Variants in ZNF532 observed in about 807,000 individuals in gnomAD.
ZNF532 encodes zinc finger protein 532.
In ZNF532, 22 loss-of-function variants were observed where a neutral mutation model predicts 89.3. The observed-to-expected ratio is 0.25, with a 90% confidence interval of 0.18 to 0.35. The LOEUF is 0.35. Among genes scored for constraint, ZNF532 ranks in the 10% least tolerant of loss-of-function variants. The pLI is 1.00. For missense variants in ZNF532, 1,132 were observed against 1,643.4 expected (o/e 0.69, Z 5.38); for synonymous variants, 606 against 649.6 (o/e 0.93, Z 1.02).
At position 58,959,264 on chromosome 18, in the gene ZNF532, T is replaced by TTTG. The variant is rs1555752598; in HGVS notation, c.3150+5467_3150+5468insGTT. On this transcript the variant is annotated intron_variant, in intron 7 of 9. Transcript: ENST00000591808. ...CTTTTCAGTTTTTTGTTTTTTGTTT[T>TTTG]TTTTTGTTTTTTTTTGGTTTTTTTT... 4.5e-3 allele frequency among the ~76,000 whole-genome samples: 666 copies of TTTG among 147,820 alleles called. 12 individuals are homozygous for TTTG. The highest frequency in any genetic ancestry group is 0.016 in the African/African-American group (628 of 38,868).
At chr18:58,962,608 T>TTTC (rs200869146) in intron 7 of ZNF532, among the ~76,000 whole-genome samples, 1 of 129,048 alleles carries the variant, frequency 7.7e-6, no homozygotes, top group East Asian at 1.0e-3. Context: ...CCTGGCATTC[T>TTTC]TTTTTTTTTT....
At chr18:58,975,566 C>G (rs1243974394) in intron 7 of ZNF532, among the ~76,000 whole-genome samples, 1 of 152,198 alleles carries the variant, frequency 6.6e-6, no homozygotes, top group Admixed American at 6.5e-5. Flanking sequence ...CGTACCATCC[C>G]AAGCACAGCA....
intron 5 of ZNF532, among the ~76,000 whole-genome samples, chr18:58,941,287 A>T (rs1408864308): frequency 1.3e-5 from 2 of 152,000 alleles, no homozygotes; most frequent in Admixed American, 6.6e-5. Context: ...TACAGTTTTT[A>T]TTTGGTTCTT....
chr18:58,980,402 C>A (rs1427206443), intron 8 of ZNF532: 1 of 152,204 alleles, frequency 6.6e-6, no homozygotes, highest in Admixed American at 6.5e-5. Flanking sequence ...TGCTAACTTA[C>A]GGCCAACAAA....
intron 2 of ZNF532, among the ~76,000 whole-genome samples, chr18:58,875,403 A>G (rs979925447): frequency 1.3e-5 from 2 of 152,168 alleles, no homozygotes. Flanking sequence ...GCTGTTCTGG[A>G]ATGGTGGGTG....
intron 2 of ZNF532, among the ~76,000 whole-genome samples, chr18:58,916,064 A>G (rs2060578637): frequency 6.6e-6 from 1 of 152,196 alleles, no homozygotes; most frequent in African/African-American, 2.4e-5. Context: ...AGTCCCTTTC[A>G]ACCCTGGTGG....
intron 3 of ZNF532, among the ~76,000 whole-genome samples, chr18:58,922,201 C>G (rs2061157055): frequency 1.3e-5 from 2 of 152,090 alleles, no homozygotes; most frequent in Admixed American, 6.5e-5. Flanking sequence ...AAAGATTTAA[C>G]AGTAAACTGG....
At chr18:58,981,371 G>T (rs1356914342) in intron 8 of ZNF532, 99 bp from the exon 9 acceptor site, 5 of 1,481,272 alleles carry the variant, frequency 3.4e-6, no homozygotes, top group Non-Finnish European at 4.6e-6. Context: ...GGACCTGTCT[G>T]TGTGAACTGA....
chr18:58,919,974 C>T lies in ZNF532; in HGVS notation c.1687C>T (p.Pro563Ser), dbSNP rs775428054. The change falls in exon 3 of 10, where the codon CCC (proline) becomes TCC (serine). Residue 563 changes from proline (P) to serine (S), a missense_variant. Physicochemically the swap from Pro to Ser is moderately conservative, Grantham distance 74. Around this residue, in one of 9 missense-constraint regions of ZNF532, gnomAD observed 97 missense variants for 143.7 expected, o/e 0.68. Transcript: ENST00000591808. This position sits in a 1 kb window ranked among gnomAD's most constrained non-coding sequence, Gnocchi z 6.1. ...AATAATCAATGCAGCAGCCTCGCAACCCCCCAAAAAGGTGTCTCGAGTCCA... is the reference window on the plus strand; with the variant it reads ...AATAATCAATGCAGCAGCCTCGCAATCCCCCAAAAAGGTGTCTCGAGTCCA... Reference protein sequence around the residue: ...QAIINAAASQPPKKVSRVQVV... With the variant: ...QAIINAAASQSPKKVSRVQVV... 2 of 1,613,746 alleles carry T rather than the reference C, an allele frequency of 1.2e-6. No individual in the cohort carries two copies. Among genetic ancestry groups the T allele is most frequent in the South Asian group, 2.2e-5 (2 of 91,032 alleles).
chr18:58,894,190 C>T (rs910549179), intron 2 of ZNF532, among the ~76,000 whole-genome samples: 1 of 151,968 alleles, frequency 6.6e-6, no homozygotes, highest in Non-Finnish European at 1.5e-5. Flanking sequence ...TCCGGCCGGG[C>T]GTGGTGGCTC....
rs140892969 is a variant in ZNF532 at position 58,887,201 on chromosome 18, A to C, written c.-18+21622A>C. On this transcript the variant is annotated intron_variant, in intron 2 of 9. Coordinates refer to ENST00000591808, the MANE Select transcript of ZNF532 (RefSeq NM_001375912.1). ...GCCCGAGGGGCCCTGGGCAGAACCCAGGCCTTCTGGTCTCCTGCAGTGGTT... is the reference window on the plus strand; with the variant it reads ...GCCCGAGGGGCCCTGGGCAGAACCCCGGCCTTCTGGTCTCCTGCAGTGGTT... Among the ~76,000 whole-genome samples, 1,118 of 152,362 alleles carry C rather than the reference A, an allele frequency of 7.3e-3. 8 individuals are homozygous for C. Among genetic ancestry groups the C allele is most frequent in the African/African-American group, 0.025 (1,047 of 41,600 alleles).
intron 7 of ZNF532, among the ~76,000 whole-genome samples, chr18:58,967,862 G>A (rs1427156833): frequency 1.3e-5 from 2 of 152,144 alleles, no homozygotes; most frequent in East Asian, 1.9e-4. Flanking sequence ...CAGAATTGCC[G>A]GCCGAAAGGG....
chr18:58,942,026 T>C (rs554113005), intron 5 of ZNF532, among the ~76,000 whole-genome samples: 1 of 144,718 alleles, frequency 6.9e-6, no homozygotes, highest in East Asian at 2.2e-4. Context: ...CTTTTCTTTT[T>C]TTCTACCCCC....
intron 7 of ZNF532, among the ~76,000 whole-genome samples, chr18:58,955,561 A>G (rs1354988715): frequency 6.6e-6 from 1 of 152,178 alleles, no homozygotes; most frequent in Non-Finnish European, 1.5e-5. Context: ...CTATTCTGTA[A>G]TCTCATTTAT....
chr18:58,867,780 G>T (rs1463654756), intron 2 of ZNF532, among the ~76,000 whole-genome samples: 2 of 152,184 alleles, frequency 1.3e-5, no homozygotes, highest in African/African-American at 4.8e-5. Flanking sequence ...TTTATCCTTT[G>T]CCTATTCAAT....
intron 2 of ZNF532, among the ~76,000 whole-genome samples, chr18:58,876,824 G>A (rs2057467748): frequency 6.6e-6 from 1 of 152,210 alleles, no homozygotes; most frequent in Admixed American, 6.5e-5. Flanking sequence ...TCGGGAGGCT[G>A]AGGCTGAGGT....
At chr18:58,869,016 TGGTA>T (rs2056737429) in intron 2 of ZNF532, among the ~76,000 whole-genome samples, 7 of 152,200 alleles carry the variant, frequency 4.6e-5, no homozygotes, top group African/African-American at 1.7e-4. Flanking sequence ...TTTAATACAG[TGGTA>T]ACTATTTGTG....
At chr18:58,918,218 C>T (rs773803809) in intron 2 of ZNF532, 53 bp from the exon 3 acceptor site, 12 of 1,499,130 alleles carry the variant, frequency 8.0e-6, no homozygotes, top group Non-Finnish European at 1.1e-5. Context: ...GGTTTTATCT[C>T]ATCGTGAGGA....
rs76429527 is a variant in ZNF532 at position 58,942,574 on chromosome 18, T to C, written c.2705+2953T>C. On this transcript the variant is annotated intron_variant, in intron 5 of 9. Transcript: ENST00000591808. ...CTGGAGCCCTCACCCGCAGCCTGAC[T>C]GTGGCAATGACGGCTGCTGCACCAG... Among the ~76,000 whole-genome samples the C allele has an allele frequency of 5.8e-3, 890 of 152,204 alleles. 10 individuals carry two copies. The highest frequency in any genetic ancestry group is 0.02 in the African/African-American group (827 of 41,500).
Sources: allele counts gnomAD v4.1 joint callset (sites outside exome capture counted in the v4.1 genomes callset), GRCh38; gene constraint gnomAD v4.1.1; regional missense constraint gnomAD v4.1.1; non-coding constraint Gnocchi (gnomAD v3.1); transcripts MANE v1.5; gene names NCBI Gene and HGNC (gene_info 2026-07-23, HGNC 2026-07-21).